The following KIF24 variants were observed in gnomAD, a reference collection of about 807,000 sequenced individuals.
KIF24 encodes kinesin-like protein KIF24.
Under a neutral mutation model 118.9 loss-of-function variants are expected in KIF24, and 81 were observed. That is an observed-to-expected ratio of 0.68 (90% CI 0.57 to 0.82). The LOEUF (loss-of-function observed/expected upper bound fraction) is 0.82. Among genes scored for constraint, KIF24 ranks in the 40% least tolerant of loss-of-function variants. The probability of loss-of-function intolerance (pLI) is 0.00; values close to 1 mark genes in which losing one functional copy is unlikely to be tolerated. For synonymous variants in KIF24, 599 were observed against 610.0 expected (o/e 0.98, Z 0.27); for missense variants, 1,560 against 1,661.6 (o/e 0.94, Z 1.06).
At chr9:34,319,401 G>A (rs1452720162) in intron 1 of KIF24, 1 of 931,190 alleles carries the variant, frequency 1.1e-6, no homozygotes, top group South Asian at 1.3e-5. Flanking sequence ...CAAGAACAAG[G>A]CAAACTTGTC....
chr9:34,278,022 C>T (rs1354602510), intron 6 of KIF24, among the ~76,000 whole-genome samples: 1 of 152,156 alleles, frequency 6.6e-6, no homozygotes, highest in East Asian at 1.9e-4. Flanking sequence ...CGCCTGTACT[C>T]CCAGCACTCT....
At chr9:34,316,067 A>C (rs1403252209) in intron 1 of KIF24, among the ~76,000 whole-genome samples, 1 of 151,910 alleles carries the variant, frequency 6.6e-6, no homozygotes, top group African/African-American at 2.4e-5. Flanking sequence ...ATGTTCCATT[A>C]TCGGCCGGGC....
rs1389169289 is a variant in KIF24, at chr9:34,318,592, G to C, written c.-25-7221C>G. The stretch of plus-strand genomic sequence containing the variant: ...ACCAGGCCATGGCCAAGGACCAGGC[G>C]GTGGAGAACATCCTGGTGTCGCCCG... On this transcript the variant is annotated intron_variant, in intron 1 of 12. Coordinates refer to ENST00000402558, the MANE Select transcript of KIF24 (RefSeq NM_194313.4). This position sits in a 1 kb window ranked among gnomAD's most constrained non-coding sequence, Gnocchi z 4.9. 4 of 1,387,554 alleles carry C rather than the reference G, an allele frequency of 2.9e-6. No homozygotes were observed. In the Admixed American group the frequency reaches 7.0e-5, roughly 24 times the overall value. 86.0% of individuals were successfully genotyped at this position (1,387,554 alleles called of 1,614,324 possible).
rs370668506 is a variant in KIF24, at chr9:34,289,018, TC to T, written c.1127+1155del. On this transcript the variant is annotated intron_variant, in intron 5 of 12. Transcript: ENST00000402558. ...GCTGTGATTGAGCTAATTCGAGACT[TC>T]AACACCAAGAAGGTAAAAAAGAAAG... Among the ~76,000 whole-genome samples, 1,362 of 152,162 alleles carry T rather than the reference TC, an allele frequency of 9.0e-3. 11 individuals are homozygous for T. The highest frequency in any genetic ancestry group is 0.014 in the South Asian group (67 of 4,810).
intron 11 of KIF24, 107 bp downstream of exon 11, chr9:34,255,628 A>T: frequency 1.0e-6 from 1 of 981,938 alleles, no homozygotes; most frequent in South Asian, 1.7e-5. Flanking sequence ...AGACTAGCTC[A>T]CCTGCGTACC....
chr9:34,289,634 A>T (rs1412321880), intron 5 of KIF24, among the ~76,000 whole-genome samples: 4 of 152,228 alleles, frequency 2.6e-5, no homozygotes, highest in African/African-American at 9.6e-5. Context: ...GGTGTTTAAA[A>T]GCAGAGTTAC....
At chr9:34,329,832 G>C (rs1371988196), upstream of KIF24, among the ~76,000 whole-genome samples, 2 of 148,462 alleles carry the variant, frequency 1.3e-5, no homozygotes, top group African/African-American at 5.0e-5. Flanking sequence ...AGCCTTGCTT[G>C]TCCCCGTCGG....
chr9:34,317,705 T>C (rs1347012933), intron 1 of KIF24, among the ~76,000 whole-genome samples: 2 of 152,214 alleles, frequency 1.3e-5, no homozygotes, highest in Non-Finnish European at 2.9e-5. Context: ...CCATTTTGGT[T>C]ACCAGATCAA....
chr9:34,304,540 T>C (rs1836841569), intron 3 of KIF24, among the ~76,000 whole-genome samples: 1 of 152,228 alleles, frequency 6.6e-6, no homozygotes, highest in South Asian at 2.1e-4. Flanking sequence ...GCTATTACGA[T>C]GGCTATAAGT....
At position 34,263,120 on chromosome 9, in the gene KIF24, C is replaced by T; in HGVS notation, c.1496G>A (p.Arg499Lys). ...LDQEHTHTPF[R>K]QSKLTQVLKD... ...CTTTACCTGAGTTAGTTTGCTTTGC[C>T]TGAAGGGAGTATGGGTGTGTTCCTG... Residue 499 changes from arginine to lysine, a missense_variant, in exon 9 of 13, where the codon AGG becomes AAG. Around this residue, in one of 3 missense-constraint regions of KIF24, gnomAD observed 964 missense variants for 988.0 expected, o/e 0.98. Transcript: ENST00000402558. 6.2e-7 allele frequency: 1 copy of T among 1,613,390 alleles called. No individual in the cohort carries two copies. The highest frequency in any genetic ancestry group is 8.5e-7 in the Non-Finnish European group (1 of 1,179,628).
chr9:34,292,482 C>T (rs2131758165), intron 4 of KIF24, among the ~76,000 whole-genome samples: 1 of 152,212 alleles, frequency 6.6e-6, no homozygotes, highest in East Asian at 1.9e-4. Flanking sequence ...GCGTTCTTAA[C>T]TTTGGCAAAT....
At chr9:34,306,054 C>T (rs1429969839) in intron 3 of KIF24, among the ~76,000 whole-genome samples, 198 bp downstream of exon 3, 1 of 151,866 alleles carries the variant, frequency 6.6e-6, no homozygotes, top group Non-Finnish European at 1.5e-5. Flanking sequence ...CCTATTGCAC[C>T]GTCTTTTGAA....
chr9:34,262,708 A>ATATATATATG, intron 9 of KIF24, among the ~76,000 whole-genome samples: 1 of 57,830 alleles, frequency 1.7e-5, no homozygotes, highest in African/African-American at 6.5e-5. Flanking sequence ...ATATATATAT[A>ATATATATATG]TATATGGCCA....
intron 6 of KIF24, among the ~76,000 whole-genome samples, chr9:34,284,881 T>TA (rs1835977638): frequency 6.6e-6 from 1 of 151,950 alleles, no homozygotes; most frequent in African/African-American, 2.4e-5. Context: ...TTTTTCACAA[T>TA]AAAAAAGGTT....
At chr9:34,268,985 G>A (rs541314453) in intron 8 of KIF24, among the ~76,000 whole-genome samples, 2 of 152,276 alleles carry the variant, frequency 1.3e-5, no homozygotes, top group East Asian at 1.9e-4. Context: ...AAAGCTTAGC[G>A]GAGTTAACCA....
At chr9:34,278,868 G>GA (rs1280572827) in intron 6 of KIF24, among the ~76,000 whole-genome samples, 2 of 152,188 alleles carry the variant, frequency 1.3e-5, no homozygotes, top group East Asian at 3.9e-4. Flanking sequence ...TGTAATCCCA[G>GA]CACTTTGGGA....
At chr9:34,300,987 TGAGTA>T (rs1479593174) in intron 3 of KIF24, among the ~76,000 whole-genome samples, 2 of 152,200 alleles carry the variant, frequency 1.3e-5, no homozygotes, top group Non-Finnish European at 2.9e-5. Context: ...CTTTAGCTTT[TGAGTA>T]AAGACCTTAG....
chr9:34,272,410 T>A, intron 6 of KIF24, among the ~76,000 whole-genome samples: 1 of 152,302 alleles, frequency 6.6e-6, no homozygotes, highest in Non-Finnish European at 1.5e-5. Flanking sequence ...GTTACTGTAA[T>A]TACCATAAGC....
intron 4 of KIF24, among the ~76,000 whole-genome samples, chr9:34,292,772 G>A (rs114064584): frequency 0.01 from 1,572 of 152,210 alleles, 33 homozygotes; most frequent in African/African-American, 0.036. Flanking sequence ...TATAAATACC[G>A]GCAGAGGCGG....
Sources: allele counts gnomAD v4.1 joint callset (sites outside exome capture counted in the v4.1 genomes callset), GRCh38; gene constraint gnomAD v4.1.1; regional missense constraint gnomAD v4.1.1; non-coding constraint Gnocchi (gnomAD v3.1); transcripts MANE v1.5; gene names NCBI Gene and HGNC (gene_info 2026-07-23, HGNC 2026-07-21).